Variants in RBFOX1 observed in about 807,000 individuals in gnomAD.
RBFOX1 encodes the protein RNA binding protein fox-1 homolog 1.
RBFOX1 carries 8 observed loss-of-function variants against 57.7 expected under a neutral mutation model. The ratio of observed to expected loss-of-function variants is 0.14; its 90% CI spans 0.08 to 0.25. The LOEUF is 0.25. RBFOX1 is among the 10% of genes least tolerant of loss of function. The probability of loss-of-function intolerance (pLI) is 1.00; values close to 1 mark genes in which losing one functional copy is unlikely to be tolerated. For missense variants in RBFOX1, 611 were observed against 548.5 expected, an observed-to-expected ratio of 1.11 and a Z score of -1.14; for synonymous variants, 326 against 222.4, an observed-to-expected ratio of 1.47 and a Z score of -4.15.
At chr16:7,379,478 G>T (rs2097749164) in intron 4 of RBFOX1, among the ~76,000 whole-genome samples, 1 of 152,194 alleles carries the variant, frequency 6.6e-6, no homozygotes, top group South Asian at 2.1e-4. Flanking sequence ...AATGGCTTCT[G>T]CCATTATGAC....
chr16:7,309,868 A>T (rs965161943), intron 4 of RBFOX1, among the ~76,000 whole-genome samples: 3 of 152,306 alleles, frequency 2.0e-5, no homozygotes, highest in Admixed American at 6.5e-5. Flanking sequence ...GTGTGGGTGT[A>T]ATTGTCCCAT....
chr16:5,332,189 C>G (rs1109889), intron 1 of RBFOX1, among the ~76,000 whole-genome samples: 10,534 of 152,104 alleles, frequency 0.069, 1,227 homozygotes, highest in African/African-American at 0.24. Flanking sequence ...TTTATTGTTT[C>G]TTTTATTTAA....
intron 10 of RBFOX1, among the ~76,000 whole-genome samples, chr16:7,626,140 A>G (rs1360912395): frequency 3.3e-5 from 5 of 152,252 alleles, no homozygotes; most frequent in Admixed American, 3.3e-4. Flanking sequence ...AGCCTCTGCA[A>G]AGGCATGGAG....
intron 1 of RBFOX1, among the ~76,000 whole-genome samples, chr16:5,389,686 A>C (rs753454861): frequency 1.4e-5 from 2 of 147,190 alleles, no homozygotes; most frequent in Non-Finnish European, 3.0e-5. Context: ...TTATTTTATT[A>C]TTTTATTTTA....
chr16:7,392,325 T>G (rs947047508), intron 4 of RBFOX1, among the ~76,000 whole-genome samples: 8 of 152,166 alleles, frequency 5.3e-5, no homozygotes, highest in Admixed American at 5.2e-4. Flanking sequence ...GTCCCAAAAT[T>G]ATAATGAATA....
chr16:6,692,364 T>C (rs1180759868), intron 3 of RBFOX1, among the ~76,000 whole-genome samples: 1 of 152,134 alleles, frequency 6.6e-6, no homozygotes, highest in African/African-American at 2.4e-5. Context: ...ACCTAGATCC[T>C]TGAAGTCATT....
intron 3 of RBFOX1, among the ~76,000 whole-genome samples, chr16:5,825,806 T>G (rs554693922): frequency 1.4e-5 from 2 of 145,680 alleles, no homozygotes; most frequent in East Asian, 4.1e-4. Context: ...TTCCTTAATA[T>G]GAATAAGGAA....
At position 5,739,417 on chromosome 16, in the gene RBFOX1, T is replaced by C. The variant is rs554858928; in HGVS notation, c.319-127886T>C. On this transcript the variant is annotated intron_variant, in intron 3 of 19. Transcript: ENST00000641259. ...GTGCCATTGTGGCACTTGTGTCTGG[T>C]AGGGGGAAAGTGGATAATAAAAATA... Among the ~76,000 whole-genome samples the C allele has an allele frequency of 8.5e-5, 13 of 152,306 alleles. 1 individual carries two copies. The South Asian group carries it at 1.7e-3, about 19-fold the overall frequency.
chr16:7,489,764 T>A (rs2151487707), intron 4 of RBFOX1, among the ~76,000 whole-genome samples: 1 of 151,866 alleles, frequency 6.6e-6, no homozygotes, highest in African/African-American at 2.4e-5. Flanking sequence ...CAAGTGATCC[T>A]CCCAACTCAG....
chr16:5,671,636 A>G (rs1245091705), intron 3 of RBFOX1, among the ~76,000 whole-genome samples: 4 of 152,188 alleles, frequency 2.6e-5, no homozygotes, highest in African/African-American at 7.2e-5. Flanking sequence ...TTCGTTTCCT[A>G]TACAGAAATG....
At chr16:6,552,379 TG>T (rs1282002091) in intron 2 of RBFOX1, among the ~76,000 whole-genome samples, 2 of 152,184 alleles carry the variant, frequency 1.3e-5, no homozygotes, top group Non-Finnish European at 2.9e-5. Context: ...TGTGACTCCT[TG>T]GGCTAGTCTC....
At chr16:7,446,795 G>GTTTTTTTTT (rs1567209049) in intron 4 of RBFOX1, among the ~76,000 whole-genome samples, 5 of 128,090 alleles carry the variant, frequency 3.9e-5, no homozygotes, top group African/African-American at 1.5e-4. Flanking sequence ...GGTAGGTCTA[G>GTTTTTTTTT]GTATTTTTTT....
chr16:7,683,414 T>C lies in RBFOX1; in HGVS notation c.995+6576T>C, dbSNP rs146098609. ...CTAATTGCCTTTGGTCCATAATCTA[T>C]AATGGCTTCATAACAACTGTTATGC... On this transcript the variant is annotated intron_variant, in intron 14 of 15. Coordinates refer to ENST00000550418, the MANE Select transcript of RBFOX1 (RefSeq NM_018723.4). Among the ~76,000 whole-genome samples the C allele has an allele frequency of 2.4e-3, 355 of 150,084 alleles. 1 individual carries two copies. The highest frequency in any genetic ancestry group is 8.4e-3 in the African/African-American group (346 of 41,382).
chr16:6,848,328 A>C (rs28722945), intron 3 of RBFOX1, among the ~76,000 whole-genome samples: 24 of 152,152 alleles, frequency 1.6e-4, no homozygotes, highest in African/African-American at 4.8e-4. Flanking sequence ...TCTCCAGAGA[A>C]GTTTGGCATC....
At chr16:7,351,503 T>A (rs1421618983) in intron 4 of RBFOX1, among the ~76,000 whole-genome samples, 3 of 152,236 alleles carry the variant, frequency 2.0e-5, no homozygotes, top group Non-Finnish European at 4.4e-5. Context: ...AATGTATATA[T>A]AAACTGATTA....
chr16:5,355,230 G>A (rs2065357219), intron 1 of RBFOX1, among the ~76,000 whole-genome samples: 1 of 152,230 alleles, frequency 6.6e-6, no homozygotes, highest in Non-Finnish European at 1.5e-5. Context: ...GTTAGTTCAG[G>A]CCCCAGCAGG....
chr16:5,543,624 C>T (rs9930275), intron 2 of RBFOX1, among the ~76,000 whole-genome samples: 46,832 of 152,040 alleles, frequency 0.31, 8,575 homozygotes, highest in East Asian at 0.85. Context: ...AAAATATTTA[C>T]AGATAGTGGC....
At chr16:5,780,541 A>G (rs2054292187) in intron 3 of RBFOX1, among the ~76,000 whole-genome samples, 2 of 152,150 alleles carry the variant, frequency 1.3e-5, no homozygotes. Flanking sequence ...AATTTAAACA[A>G]TCAATCAATC....
At chr16:7,406,011 C>T (rs577826605) in intron 4 of RBFOX1, among the ~76,000 whole-genome samples, 2 of 152,168 alleles carry the variant, frequency 1.3e-5, no homozygotes, top group Non-Finnish European at 2.9e-5. Flanking sequence ...CTGCAACACA[C>T]AGAGCATATC....
Sources: gnomAD v4.1 joint callset for allele counts (sites outside exome capture counted in the v4.1 genomes callset) on GRCh38, gnomAD v4.1.1 for gene constraint, MANE v1.5 for transcripts, NCBI Gene and HGNC (gene_info 2026-07-23, HGNC 2026-07-21) for gene names.